Variants in TCTN1 observed in about 807,000 individuals in gnomAD.
TCTN1 encodes tectonic family member 1, also known as tectonic-1.
TCTN1 carries 58 observed loss-of-function variants against 65.8 expected under a neutral mutation model. The observed-to-expected ratio is 0.88, with a 90% confidence interval of 0.71 to 1.10. The LOEUF is 1.10. TCTN1 is among the 50% of genes least tolerant of loss of function. TCTN1 has a pLI of 0.00. For synonymous variants in TCTN1, 273 were observed against 289.1 expected, an observed-to-expected ratio of 0.94 and a Z score of 0.57; for missense variants, 645 against 719.4, an observed-to-expected ratio of 0.90 and a Z score of 1.18.
intron 10 of TCTN1, 54 bp from the exon 11 acceptor site, chr12:110,642,195 C>A (rs2067001707): frequency 1.9e-6 from 3 of 1,612,266 alleles, no homozygotes; most frequent in African/African-American, 1.3e-5. Context: ...GTCTTCTTAC[C>A]TGAGAACCAG....
intron 3 of TCTN1, among the ~76,000 whole-genome samples, chr12:110,626,760 G>GT (rs1489965782): frequency 5.0e-5 from 7 of 140,548 alleles, no homozygotes; most frequent in Admixed American, 4.3e-4. Flanking sequence ...TTGTGTGTGC[G>GT]TGGTTTTTTT....
At chr12:110,628,300 G>A in intron 3 of TCTN1, 1 of 1,432,532 alleles carries the variant, frequency 7.0e-7, no homozygotes, top group East Asian at 2.5e-5. Flanking sequence ...TGTTTAATAA[G>A]CTTTAAAAAA....
chr12:110,641,445 G>A (rs995685713), intron 9 of TCTN1, 97 bp from the exon 10 acceptor site: 3 of 1,215,676 alleles, frequency 2.5e-6, no homozygotes, highest in Non-Finnish European at 2.4e-6. Flanking sequence ...TTATTGGTTG[G>A]TAATTCCATA....
chr12:110,648,860 TGTCAG>T, intron 14 of TCTN1, 178 bp from the exon 15 acceptor site: 1 of 375,330 alleles, frequency 2.7e-6, no homozygotes, highest in Admixed American at 4.1e-5. Context: ...GGAAAAATGT[TGTCAG>T]GTGGCAGAAA....
intron 4 of TCTN1, among the ~76,000 whole-genome samples, chr12:110,631,372 G>A (rs1565981898): frequency 6.7e-6 from 1 of 150,358 alleles, no homozygotes; most frequent in East Asian, 2.1e-4. Context: ...GGTGGCTCAC[G>A]CCTATAATCC....
Position 110,640,015 on chromosome 12 carries a change from A to G in TCTN1, c.844-368A>G, listed in dbSNP as rs1244363774. On this transcript the variant is annotated intron_variant, in intron 7 of 14. Transcript: ENST00000397659. This position sits in a 1 kb window ranked among gnomAD's most constrained non-coding sequence, Gnocchi z 4.9. ...TTAGTACTATTTTTAGGGATGAGTC[A>G]TATGCCTTTGTAAGGCTAGACTTTG... Among the ~76,000 whole-genome samples the G allele has an allele frequency of 3.9e-5, 6 of 152,204 alleles. No homozygotes were observed. Among genetic ancestry groups the G allele is most frequent in the Non-Finnish European group, 7.4e-5 (5 of 68,024 alleles).
chr12:110,645,297 G>T (rs762512029), intron 12 of TCTN1, 168 bp downstream of exon 12: 232 of 817,602 alleles, frequency 2.8e-4, no homozygotes, highest in Non-Finnish European at 4.4e-4. Context: ...TGTTGCCTCT[G>T]GCCAGCAGTT....
intron 2 of TCTN1, among the ~76,000 whole-genome samples, chr12:110,625,345 A>T (rs753390914): frequency 6.6e-6 from 1 of 152,078 alleles, no homozygotes; most frequent in Non-Finnish European, 1.5e-5. Flanking sequence ...CTGGCCTCGA[A>T]CTCCTAACCT....
In TCTN1 at chr12:110,634,655, G is replaced by A. The variant is rs764089551; in HGVS notation, c.713-15G>A. On this transcript the variant is annotated splice_polypyrimidine_tract_variant and intron_variant, in intron 5 of 14. Coordinates refer to ENST00000397659, the MANE Select transcript of TCTN1 (RefSeq NM_001082538.3). ...TTTGTATTTTTTTTTCCTTGGGAAT[G>A]TTAATGATTTCTAGCGTTTCTGGTG... The A allele has an allele frequency of 1.9e-6, 3 of 1,582,508 alleles. No homozygotes were observed. In the South Asian group the frequency reaches 3.5e-5, roughly 18 times the overall value.
At chr12:110,642,529 A>T in intron 11 of TCTN1, 140 bp downstream of exon 11, 2 of 1,217,746 alleles carry the variant, frequency 1.6e-6, no homozygotes, top group Non-Finnish European at 2.4e-6. Context: ...TCATGCATGA[A>T]TAGTAGCAAA....
chr12:110,640,949 G>T lies in TCTN1; in HGVS notation c.979-75G>T. The T allele has an allele frequency of 2.5e-6, 4 of 1,591,634 alleles. No individual in the cohort carries two copies. The highest frequency in any genetic ancestry group is 3.4e-6 in the Non-Finnish European group (4 of 1,161,024). Reference sequence around the variant, plus strand: ...AAACAGGGAAAGATTTGCTATCTATGGGTGTTTTCAGTTATTCATACAGCT... The same window carrying T: ...AAACAGGGAAAGATTTGCTATCTATTGGTGTTTTCAGTTATTCATACAGCT... On this transcript the variant is annotated intron_variant, in intron 8 of 14. Coordinates refer to ENST00000397659, the MANE Select transcript of TCTN1 (RefSeq NM_001082538.3). This position sits in a 1 kb window ranked among gnomAD's most constrained non-coding sequence, Gnocchi z 4.9.
At position 110,647,817 on chromosome 12, in the gene TCTN1, T is replaced by G; in HGVS notation, c.1704T>G (p.Pro568=). 1 of 1,614,230 alleles carries G rather than the reference T, an allele frequency of 6.2e-7. No homozygotes were observed. Among genetic ancestry groups the G allele is most frequent in the Non-Finnish European group, 8.5e-7 (1 of 1,180,042 alleles). ...TTACTTTTGTGGATGTGTCTGCACC[T>G]GCAGAGGCAGGCTTCAGAGCTCCAC... ...TAVTFVDVSA[P]AEAGFRAPPA... is the part of the protein sequence containing the mutation. Residue 568 remains proline, a synonymous_variant, in exon 14 of 15, where the codon CCT becomes CCG. Coordinates refer to ENST00000397659, the MANE Select transcript of TCTN1 (RefSeq NM_001082538.3).
intron 5 of TCTN1, among the ~76,000 whole-genome samples, chr12:110,633,118 C>T (rs1165456170): frequency 6.6e-6 from 1 of 152,144 alleles, no homozygotes; most frequent in Non-Finnish European, 1.5e-5. Flanking sequence ...ATGCAGTTGG[C>T]CTGCAGCCTG....
At chr12:110,615,124 C>T (rs1232456767) in intron 1 of TCTN1, among the ~76,000 whole-genome samples, 2 of 152,102 alleles carry the variant, frequency 1.3e-5, no homozygotes, top group Non-Finnish European at 2.9e-5. Context: ...AACCCAGTCT[C>T]TACTAAAAAT....
Position 110,649,215 on chromosome 12 carries a change from G to A in TCTN1, c.*174G>A, listed in dbSNP as rs1256376042. 3.0e-6 allele frequency: 2 copies of A among 675,458 alleles called. No homozygotes were observed. The highest frequency in any genetic ancestry group is 3.6e-5 in the African/African-American group (2 of 55,688). 41.8% of individuals were successfully genotyped at this position (675,458 alleles called of 1,614,324 possible). ...GATACATTTGATACAGTGTGGGGTGGGAGTGGATGGGCAGCTCTTGGTGGT... is the reference window on the plus strand; with the variant it reads ...GATACATTTGATACAGTGTGGGGTGAGAGTGGATGGGCAGCTCTTGGTGGT... On this transcript the variant is annotated 3_prime_UTR_variant, in exon 15 of 15. Coordinates refer to ENST00000397659, the MANE Select transcript of TCTN1 (RefSeq NM_001082538.3).
intron 6 of TCTN1, chr12:110,635,684 T>C (rs1191982637): frequency 5.3e-5 from 8 of 152,268 alleles, no homozygotes; most frequent in Non-Finnish European, 1.5e-5. Flanking sequence ...AACATACGAT[T>C]ATTGTCAAAG....
At chr12:110,637,086 G>A (rs1290383133) in intron 7 of TCTN1, among the ~76,000 whole-genome samples, 1 of 152,198 alleles carries the variant, frequency 6.6e-6, no homozygotes, top group Non-Finnish European at 1.5e-5. Flanking sequence ...CCCTAGGTCT[G>A]CCTGTGAACA....
At chr12:110,646,068 C>T (rs1383453179) in intron 12 of TCTN1, 1 of 152,276 alleles carries the variant, frequency 6.6e-6, no homozygotes, top group African/African-American at 2.4e-5. Flanking sequence ...GAAGGGAAGA[C>T]ATGGGTTGGG....
intron 2 of TCTN1, among the ~76,000 whole-genome samples, chr12:110,623,955 C>T (rs2065634788): frequency 6.6e-6 from 1 of 152,048 alleles, no homozygotes; most frequent in Non-Finnish European, 1.5e-5. Flanking sequence ...ATGATGAAGC[C>T]ACTTATAATA....
Sources: allele counts gnomAD v4.1 joint callset (sites outside exome capture counted in the v4.1 genomes callset), GRCh38; gene constraint gnomAD v4.1.1; non-coding constraint Gnocchi (gnomAD v3.1); transcripts MANE v1.5; gene names NCBI Gene and HGNC (gene_info 2026-07-23, HGNC 2026-07-21).